The following SORCS3 variants were observed in gnomAD, a reference collection of about 807,000 sequenced individuals.
SORCS3 encodes the protein sortilin related VPS10 domain containing receptor 3, also known as VPS10 domain-containing receptor SorCS3.
Under a neutral mutation model 146.3 loss-of-function variants are expected in SORCS3, and 57 were observed. The ratio of observed to expected loss-of-function variants is 0.39; its 90% CI spans 0.31 to 0.49. The LOEUF is 0.49. Ranked by LOEUF, SORCS3 falls within the 20% of genes least tolerant of loss-of-function variation. The pLI, the probability that SORCS3 is intolerant of heterozygous loss-of-function variation, is 0.92. For synonymous variants in SORCS3, 653 were observed against 618.5 expected (o/e 1.06, Z -0.83); for missense variants, 1,341 against 1,575.5 (o/e 0.85, Z 2.52).
chr10:105,263,482 A>T lies in SORCS3; in HGVS notation c.*108A>T. 1.8e-6 allele frequency: 2 copies of T among 1,105,586 alleles called. No individual in the cohort carries two copies. Among genetic ancestry groups the T allele is most frequent in the South Asian group, 3.0e-5 (2 of 67,312 alleles). The allele number at this position is 1,105,586 out of a possible 1,614,324, so 68.5% of individuals were successfully genotyped here. On this transcript the variant is annotated 3_prime_UTR_variant, in exon 27 of 27. Transcript: ENST00000369701. ...ATGTCTTTTTTACCTTTTGTTTACCAAGGGCCCCTTCATAAATAGCAGGCA... is the reference window on the plus strand; with the variant it reads ...ATGTCTTTTTTACCTTTTGTTTACCTAGGGCCCCTTCATAAATAGCAGGCA...
intron 1 of SORCS3, among the ~76,000 whole-genome samples, chr10:104,831,208 C>A (rs960033765): frequency 6.6e-6 from 1 of 152,164 alleles, no homozygotes; most frequent in Non-Finnish European, 1.5e-5. Flanking sequence ...AGTTGCTAAA[C>A]CTTCTCTGGG....
intron 7 of SORCS3, among the ~76,000 whole-genome samples, chr10:105,108,282 C>A (rs1270062992): frequency 6.6e-6 from 1 of 152,036 alleles, no homozygotes; most frequent in Non-Finnish European, 1.5e-5. Flanking sequence ...GGGGAGTGGG[C>A]AGTTAGAGAT....
At chr10:104,840,162 G>A (rs2018121420) in intron 1 of SORCS3, among the ~76,000 whole-genome samples, 1 of 152,292 alleles carries the variant, frequency 6.6e-6, no homozygotes, top group Non-Finnish European at 1.5e-5. Context: ...GCTTCCTGCA[G>A]GTGGAGATCT....
intron 1 of SORCS3, among the ~76,000 whole-genome samples, chr10:104,727,545 G>GTATATATA (rs34816369): frequency 2.0e-3 from 303 of 147,932 alleles, no homozygotes; most frequent in African/African-American, 7.0e-3. Context: ...ATGTGTGTGT[G>GTATATATA]TATATATATA....
At chr10:105,243,465 G>GACTT (rs1481803176) in intron 20 of SORCS3, among the ~76,000 whole-genome samples, 1 of 152,024 alleles carries the variant, frequency 6.6e-6, no homozygotes, top group Admixed American at 6.5e-5. Context: ...AGCCCAGCTT[G>GACTT]ACTTCATCTC....
chr10:104,995,405 G>A lies in SORCS3; in HGVS notation c.954+17912G>A, dbSNP rs182255576. On this transcript the variant is annotated intron_variant, in intron 4 of 26. Coordinates refer to ENST00000369701, the MANE Select transcript of SORCS3 (RefSeq NM_014978.3). ...AAACTCCTGACTTCGTGATCTGCAC[G>A]CCTCTGCCTCCCAAAGTACTAGGAT... Among the ~76,000 whole-genome samples the A allele has an allele frequency of 1.9e-4, 29 of 152,114 alleles. No homozygotes were observed. In the East Asian group the frequency reaches 5.0e-3, roughly 26 times the overall value.
intron 1 of SORCS3, among the ~76,000 whole-genome samples, chr10:104,710,815 A>C (rs1478986236): frequency 6.6e-6 from 1 of 152,182 alleles, no homozygotes; most frequent in Non-Finnish European, 1.5e-5. Flanking sequence ...TAAGAAGTTT[A>C]GGGAAAAGTA....
chr10:104,755,762 A>G (rs1468618494), intron 1 of SORCS3, among the ~76,000 whole-genome samples: 1 of 152,192 alleles, frequency 6.6e-6, no homozygotes, highest in Admixed American at 6.5e-5. Flanking sequence ...GAAGAGCAAT[A>G]TGAGTTTCAT....
intron 14 of SORCS3, among the ~76,000 whole-genome samples, chr10:105,182,230 C>CTTT (rs11340368): frequency 3.7e-4 from 26 of 70,468 alleles, no homozygotes; most frequent in South Asian, 1.9e-3. Context: ...TATTCAGCAT[C>CTTT]TTTTTTTTTT....
chr10:105,038,135 T>C (rs776418060), intron 4 of SORCS3, among the ~76,000 whole-genome samples: 5 of 152,172 alleles, frequency 3.3e-5, no homozygotes, highest in East Asian at 1.9e-4. Flanking sequence ...AGGATCTCGA[T>C]TGGTCTCTGG....
Position 105,200,022 on chromosome 10 carries a change from G to C in SORCS3, c.2033G>C (p.Arg678Pro), listed in dbSNP as rs146574756. 3.1e-6 allele frequency: 5 copies of C among 1,613,374 alleles called. No individual in the cohort carries two copies. Among genetic ancestry groups the C allele is most frequent in the African/African-American group, 1.3e-5 (1 of 74,864 alleles). The change falls in exon 15 of 27, where the codon CGC becomes CCC. Residue 678 changes from arginine to proline, a missense_variant. Physicochemically the swap from Arg to Pro is moderately radical, Grantham distance 103. Coordinates refer to ENST00000369701, the MANE Select transcript of SORCS3 (RefSeq NM_014978.3). ...AGAGTTTTTGGCCACTTCAGCCTCC[G>C]CTCCGAATGGCAATTGGTGAAAGTG... is the stretch of plus-strand genomic sequence containing the variant. The part of the protein sequence containing the change: ...IMTVFGHFSL[R>P]SEWQLVKVDY...
chr10:104,983,615 C>T (rs551594390), intron 4 of SORCS3, among the ~76,000 whole-genome samples: 10 of 152,270 alleles, frequency 6.6e-5, no homozygotes, highest in Middle Eastern at 3.4e-3. Flanking sequence ...TCATCTGCTG[C>T]CTCTATGAGC....
At chr10:105,254,882 A>C (rs1234556946) in intron 23 of SORCS3, among the ~76,000 whole-genome samples, 1 of 152,172 alleles carries the variant, frequency 6.6e-6, no homozygotes, top group Non-Finnish European at 1.5e-5. Context: ...TTTTGTTGAA[A>C]AAATCCACAT....
At chr10:104,918,563 C>T (rs950654497) in intron 3 of SORCS3, among the ~76,000 whole-genome samples, 3 of 152,178 alleles carry the variant, frequency 2.0e-5, no homozygotes, top group Non-Finnish European at 4.4e-5. Context: ...TTCTCCTGCC[C>T]TTCTCCCTTC....
At chr10:104,923,538 C>T (rs1304312712) in intron 3 of SORCS3, among the ~76,000 whole-genome samples, 1 of 152,192 alleles carries the variant, frequency 6.6e-6, no homozygotes, top group African/African-American at 2.4e-5. Context: ...TCAGCATGAG[C>T]CAATGCAACT....
At position 105,223,157 on chromosome 10, in the gene SORCS3, A is replaced by G. The variant is rs755739529; in HGVS notation, c.2776A>G (p.Ile926Val). The part of the protein sequence containing the change: ...HVHLRVPFVA[I>V]RNKEVNISAV... ...TCATCTCCGAGTTCCATTTGTTGCC[A>G]TAAGAAATAAGGAGGTCAACATCAG... The change falls in exon 20 of 27, where the codon ATA becomes GTA. Residue 926 changes from isoleucine (I) to valine (V), a missense_variant. Ile to Val is a conservative substitution (Grantham distance 29). Coordinates refer to ENST00000369701, the MANE Select transcript of SORCS3 (RefSeq NM_014978.3). 6 of 1,612,422 alleles carry G rather than the reference A, an allele frequency of 3.7e-6. No individual in the cohort carries two copies. The highest frequency in any genetic ancestry group is 2.2e-5 in the South Asian group (2 of 90,946).
At chr10:105,192,526 C>G (rs2056522467) in intron 14 of SORCS3, among the ~76,000 whole-genome samples, 1 of 152,038 alleles carries the variant, frequency 6.6e-6, no homozygotes, top group Non-Finnish European at 1.5e-5. Context: ...GGAAATGGGA[C>G]AGTTGGTGGT....
intron 13 of SORCS3, among the ~76,000 whole-genome samples, chr10:105,171,362 A>G (rs1464169383): frequency 6.6e-6 from 1 of 152,206 alleles, no homozygotes; most frequent in Non-Finnish European, 1.5e-5. Flanking sequence ...GAAGCATTAG[A>G]GTGAGATAAA....
At chr10:104,924,947 C>T (rs527885478) in intron 3 of SORCS3, among the ~76,000 whole-genome samples, 3 of 152,114 alleles carry the variant, frequency 2.0e-5, no homozygotes, top group East Asian at 1.9e-4. Context: ...ATGTGCAGAA[C>T]GTGCAGGTTT....
Sources: allele counts gnomAD v4.1 joint callset (sites outside exome capture counted in the v4.1 genomes callset), GRCh38; gene constraint gnomAD v4.1.1; transcripts MANE v1.5; gene names NCBI Gene and HGNC (gene_info 2026-07-23, HGNC 2026-07-21).